The following FRMD5 variants were observed in gnomAD, a reference collection of about 807,000 sequenced individuals.
FRMD5 encodes FERM domain-containing protein 5.
In FRMD5, 20 loss-of-function variants were observed where a neutral mutation model predicts 69.0. The ratio of observed to expected loss-of-function variants is 0.29; its 90% CI spans 0.20 to 0.42. The LOEUF is 0.42. Ranked by LOEUF, FRMD5 falls within the 10% of genes least tolerant of loss-of-function variation. FRMD5 has a pLI of 1.00. For synonymous variants in FRMD5, 271 were observed against 260.1 expected, an observed-to-expected ratio of 1.04 and a Z score of -0.40; for missense variants, 595 against 708.6, an observed-to-expected ratio of 0.84 and a Z score of 1.82.
chr15:44,181,224 G>C (rs2077995536), intron 1 of FRMD5, among the ~76,000 whole-genome samples: 1 of 151,580 alleles, frequency 6.6e-6, no homozygotes, highest in African/African-American at 2.4e-5. Context: ...ATTATTTTTG[G>C]TAGAGACAGC....
rs1392106591 is a variant in FRMD5, at chr15:43,873,187, C to T, written c.*698G>A. The T allele has an allele frequency of 1.3e-6, 2 of 1,550,410 alleles. No individual in the cohort carries two copies. Among genetic ancestry groups the T allele is most frequent in the African/African-American group, 2.7e-5 (2 of 73,038 alleles). ...CAGACTTACCCCACCCCTGATGCTG[C>T]TGTTGCTGTAGCGGTGGTCCCTTCA... On this transcript the variant is annotated 3_prime_UTR_variant, in exon 14 of 14. Coordinates refer to ENST00000417257, the MANE Select transcript of FRMD5 (RefSeq NM_032892.5).
chr15:44,101,143 C>A (rs1447726967), intron 1 of FRMD5, among the ~76,000 whole-genome samples: 13 of 136,052 alleles, frequency 9.6e-5, no homozygotes, highest in African/African-American at 3.9e-4. Flanking sequence ...AGTGATACTC[C>A]ATCTCAAAAA....
At chr15:44,137,674 G>T (rs2077207232) in intron 1 of FRMD5, among the ~76,000 whole-genome samples, 1 of 152,002 alleles carries the variant, frequency 6.6e-6, no homozygotes, top group South Asian at 2.1e-4. Flanking sequence ...TAAATTATAT[G>T]ATTATATGAT....
chr15:44,126,755 C>A (rs1009131610), intron 1 of FRMD5, among the ~76,000 whole-genome samples: 1 of 152,162 alleles, frequency 6.6e-6, no homozygotes, highest in East Asian at 1.9e-4. Flanking sequence ...GGCTCTCATA[C>A]GTTATGTTCC....
chr15:44,142,658 C>T (rs2077291015), intron 1 of FRMD5, among the ~76,000 whole-genome samples: 1 of 152,020 alleles, frequency 6.6e-6, no homozygotes, highest in Non-Finnish European at 1.5e-5. Context: ...AATGGAGCCC[C>T]CTGGGGTGGA....
intron 1 of FRMD5, among the ~76,000 whole-genome samples, chr15:44,162,783 C>G (rs956845984): frequency 6.9e-6 from 1 of 145,510 alleles, no homozygotes; most frequent in African/African-American, 2.6e-5. Flanking sequence ...AGGAGAATTG[C>G]TTGAACCTGG....
chr15:43,920,449 G>T (rs530220721), intron 2 of FRMD5, among the ~76,000 whole-genome samples: 1 of 152,178 alleles, frequency 6.6e-6, no homozygotes, highest in East Asian at 1.9e-4. Context: ...CACAACCAAC[G>T]TGTAGGATAG....
At chr15:43,896,374 G>A (rs2088911833) in intron 7 of FRMD5, among the ~76,000 whole-genome samples, 1 of 152,172 alleles carries the variant, frequency 6.6e-6, no homozygotes. Context: ...ATATATACCT[G>A]GAGAAATACT....
At chr15:44,128,349 G>A (rs952933735) in intron 1 of FRMD5, among the ~76,000 whole-genome samples, 13 of 152,130 alleles carry the variant, frequency 8.5e-5, no homozygotes, top group East Asian at 3.9e-4. Context: ...GCGTGGTGGC[G>A]CAGGCCTGTA....
chr15:44,129,591 A>G (rs2077070521), intron 1 of FRMD5, among the ~76,000 whole-genome samples: 1 of 152,202 alleles, frequency 6.6e-6, no homozygotes, highest in African/African-American at 2.4e-5. Context: ...CCCAGATATT[A>G]GAACTCAGTT....
chr15:44,014,092 T>C (rs940251961), intron 1 of FRMD5, among the ~76,000 whole-genome samples: 4 of 152,068 alleles, frequency 2.6e-5, no homozygotes, highest in Non-Finnish European at 4.4e-5. Flanking sequence ...TCTCTGGAGA[T>C]ACTTTCAAGA....
intron 1 of FRMD5, among the ~76,000 whole-genome samples, chr15:44,159,495 G>A (rs1288532001): frequency 6.6e-6 from 1 of 152,166 alleles, no homozygotes; most frequent in Non-Finnish European, 1.5e-5. Flanking sequence ...GAGACAAAAG[G>A]AATGAATTGA....
At chr15:43,974,147 A>G (rs1595577245) in intron 1 of FRMD5, among the ~76,000 whole-genome samples, 2 of 152,074 alleles carry the variant, frequency 1.3e-5, no homozygotes, top group East Asian at 1.9e-4. Flanking sequence ...GTAGGGTGCT[A>G]TGAAAGCACA....
intron 1 of FRMD5, among the ~76,000 whole-genome samples, chr15:44,186,414 A>G (rs1477891963): frequency 1.3e-5 from 2 of 152,198 alleles, no homozygotes; most frequent in Non-Finnish European, 2.9e-5. Flanking sequence ...CAGGGTGTAG[A>G]GAAAAAAGGC....
chr15:43,936,911 C>T (rs1413909409), intron 1 of FRMD5, among the ~76,000 whole-genome samples: 2 of 151,894 alleles, frequency 1.3e-5, no homozygotes, highest in Non-Finnish European at 2.9e-5. Flanking sequence ...AGGAAGATCG[C>T]TAACTGGGTC....
chr15:43,940,326 T>A (rs1178484996), intron 1 of FRMD5, among the ~76,000 whole-genome samples: 1 of 152,180 alleles, frequency 6.6e-6, no homozygotes, highest in Non-Finnish European at 1.5e-5. Flanking sequence ...GGGCCCTATT[T>A]CTTGTGCCCA....
chr15:43,879,551 C>T, intron 13 of FRMD5: 3 of 399,016 alleles, frequency 7.5e-6, no homozygotes, highest in Non-Finnish European at 1.3e-5. Context: ...CAGTCAGGAC[C>T]CTACCCTGGA....
Position 43,909,956 on chromosome 15 carries a change from T to C in FRMD5, c.353A>G (p.Lys118Arg). ...ITRYLVFLQI[K>R]RDLYHGRLLC... The stretch of plus-strand genomic sequence containing the variant: ...GAGTCGGCCATGGTAGAGATCCCTT[T>C]TGATCTGCAGGAAGACTAAATACCT... Residue 118 changes from lysine (K) to arginine (R), a missense_variant, in exon 5 of 14, where the codon AAA (lysine) becomes AGA (arginine). By Grantham distance (26) the Lys-to-Arg change is conservative. Coordinates refer to ENST00000417257, the MANE Select transcript of FRMD5 (RefSeq NM_032892.5). The C allele has an allele frequency of 6.2e-7, 1 of 1,609,954 alleles. No homozygotes were observed. Among genetic ancestry groups the C allele is most frequent in the Non-Finnish European group, 8.5e-7 (1 of 1,176,540 alleles).
At chr15:44,134,066 A>T (rs921873852) in intron 1 of FRMD5, among the ~76,000 whole-genome samples, 4 of 152,172 alleles carry the variant, frequency 2.6e-5, no homozygotes, top group Non-Finnish European at 5.9e-5. Context: ...TGTTCAAAAG[A>T]TAGATGGAAA....
Sources: gnomAD v4.1 joint callset for allele counts (sites outside exome capture counted in the v4.1 genomes callset) on GRCh38, gnomAD v4.1.1 for gene constraint, MANE v1.5 for transcripts, NCBI Gene and HGNC (gene_info 2026-07-23, HGNC 2026-07-21) for gene names.